DCHS1: variants seen among roughly 807,000 people sequenced by gnomAD.
DCHS1 encodes protocadherin-16.
A neutral mutation model predicts 213.9 loss-of-function variants in DCHS1; 78 were observed. The observed-to-expected ratio is 0.36, with a 90% CI of 0.30 to 0.44. DCHS1 has a LOEUF of 0.44. DCHS1 is among the 20% of genes least tolerant of loss of function. DCHS1 has a pLI of 1.00. For missense variants in DCHS1, 3,946 were observed against 4,395.9 expected (o/e 0.90, Z 2.89); for synonymous variants, 1,828 against 1,873.7 (o/e 0.98, Z 0.63).
chr11:6,645,594 C>A (rs571234294), intron 1 of DCHS1, among the ~76,000 whole-genome samples: 2 of 152,304 alleles, frequency 1.3e-5, no homozygotes, highest in African/African-American at 4.8e-5. Context: ...AACACGTTTT[C>A]TGAATGAAGC....
Position 6,632,514 on chromosome 11 carries a change from A to G in DCHS1, c.2998T>C (p.Phe1000Leu). 1 of 1,548,122 alleles carries G rather than the reference A, an allele frequency of 6.5e-7. No individual in the cohort carries two copies. ...DVGTRGLAPRFNSPTYRVDLP... is the reference protein window; with the variant it reads ...DVGTRGLAPRLNSPTYRVDLP... The stretch of plus-strand genomic sequence containing the variant: ...TCCACACGGTAGGTAGGGCTGTTGA[A>G]TCGGGGAGCCAGCCCACGGGTTCCC... The change falls in exon 6 of 21, where the codon TTC becomes CTC. Residue 1000 changes from phenylalanine (F) to leucine (L), a missense_variant. Physicochemically the swap from Phe to Leu is conservative, Grantham distance 22. Around this residue, in one of 3 missense-constraint regions of DCHS1, gnomAD observed 3,384 missense variants for 3,780.1 expected, o/e 0.90. Transcript: ENST00000299441. This position sits in a 1 kb window ranked among gnomAD's most constrained non-coding sequence, Gnocchi z 5.9.
At chr11:6,642,474 C>G (rs1399630112) in intron 1 of DCHS1, among the ~76,000 whole-genome samples, 7 of 152,136 alleles carry the variant, frequency 4.6e-5, no homozygotes, top group African/African-American at 1.7e-4. Flanking sequence ...TAGGAAGTGA[C>G]ATTAAAGTTG....
Position 6,621,642 on chromosome 11 carries a change from C to A in DCHS1, c.*137G>T. The A allele has an allele frequency of 9.9e-7, 1 of 1,005,598 alleles. No homozygotes were observed. The highest frequency in any genetic ancestry group is 1.5e-6 in the Non-Finnish European group (1 of 663,082). 62.3% of individuals were successfully genotyped at this position (1,005,598 alleles called of 1,614,324 possible). A position where few individuals can be genotyped will look rare whatever the true frequency, so the allele number is the denominator to read the frequency against. On this transcript the variant is annotated 3_prime_UTR_variant, in exon 21 of 21. Coordinates refer to ENST00000299441, the MANE Select transcript of DCHS1 (RefSeq NM_003737.4). ...AGTACTCTGAGGGGGCTGGGGAGTT[C>A]AGGGTGGAGAGCTGGGGCCTGGTGG...
Position 6,640,452 on chromosome 11 carries a change from T to C in DCHS1, c.1162A>G (p.Ile388Val), listed in dbSNP as rs1267654443. 6.2e-7 allele frequency: 1 copy of C among 1,613,826 alleles called. No individual in the cohort carries two copies. Among genetic ancestry groups the C allele is most frequent in the Non-Finnish European group, 8.5e-7 (1 of 1,179,890 alleles). The stretch of plus-strand genomic sequence containing the variant: ...CCATCATCTGGGTCTGACACAGAGA[T>C]GCGAGCAACGAGCTGTCCAGGTGGG... ...AAPPGQLVAR[I>V]SVSDPDDGDF... Residue 388 changes from isoleucine (I) to valine (V), a missense_variant, in exon 2 of 21, where the codon ATC (isoleucine) becomes GTC (valine). Physicochemically the swap from Ile to Val is conservative, Grantham distance 29. This residue lies in a region of DCHS1 where 3,384 missense variants were observed against 3,780.1 expected (regional missense o/e 0.90). Coordinates refer to ENST00000299441, the MANE Select transcript of DCHS1 (RefSeq NM_003737.4). The surrounding 1 kb of genome is among the most constrained non-coding windows in gnomAD (Gnocchi z 6.5).
intron 19 of DCHS1, 55 bp from the exon 20 acceptor site, chr11:6,624,923 A>G: frequency 6.2e-7 from 1 of 1,604,742 alleles, no homozygotes; most frequent in Non-Finnish European, 8.5e-7. Flanking sequence ...CCTGCTGTCC[A>G]TGCAGCCTGT....
At chr11:6,633,361 A>G in intron 5 of DCHS1, 51 bp downstream of exon 5, 2 of 1,506,982 alleles carry the variant, frequency 1.3e-6, no homozygotes, top group Non-Finnish European at 9.0e-7. Flanking sequence ...CTGGAGGGTT[A>G]TACTGGGGTA....
In DCHS1 at chr11:6,623,485, T is replaced by C; in HGVS notation, c.8191A>G (p.Ile2731Val). ...PGTLVTTLHA[I>V]DGDAGAFGRL... Reference sequence around the variant, plus strand: ...CCAAAAGCCCCAGCATCCCCGTCGATTGCATGCAGAGTGGTCACGAGAGTG... The same window carrying C: ...CCAAAAGCCCCAGCATCCCCGTCGACTGCATGCAGAGTGGTCACGAGAGTG... Residue 2731 changes from isoleucine (I) to valine (V), a missense_variant, in exon 21 of 21, where the codon ATC (isoleucine) becomes GTC (valine). Around this residue, in one of 3 missense-constraint regions of DCHS1, gnomAD observed 3,384 missense variants for 3,780.1 expected, o/e 0.90. Coordinates refer to ENST00000299441, the MANE Select transcript of DCHS1 (RefSeq NM_003737.4). 3 of 1,590,988 alleles carry C rather than the reference T, an allele frequency of 1.9e-6. No homozygotes were observed. The highest frequency in any genetic ancestry group is 2.6e-6 in the Non-Finnish European group (3 of 1,168,794).
chr11:6,625,242 C>T lies in DCHS1; in HGVS notation c.7102G>A (p.Asp2368Asn). 6.2e-7 allele frequency: 1 copy of T among 1,609,614 alleles called. No homozygotes were observed. Among genetic ancestry groups the T allele is most frequent in the East Asian group, 2.2e-5 (1 of 44,860 alleles). The change falls in exon 19 of 21, where the codon GAT (aspartate) becomes AAT (asparagine). Residue 2368 changes from aspartate (D) to asparagine (N), a missense_variant. Coordinates refer to ENST00000299441, the MANE Select transcript of DCHS1 (RefSeq NM_003737.4). This position sits in a 1 kb window ranked among gnomAD's most constrained non-coding sequence, Gnocchi z 5.3. ...AAGGCAGGTGCATTGTCATTGACAT[C>T]CTCCACAAGCACTGTGAGGTTGGCA... is the stretch of plus-strand genomic sequence containing the variant. ...GRANLTVLVE[D>N]VNDNAPAFSQ...
At position 6,621,996 on chromosome 11, in the gene DCHS1, C is replaced by T. The variant is rs374331068; in HGVS notation, c.9680G>A (p.Arg3227Gln). Residue 3227 changes from arginine (R) to glutamine (Q), a missense_variant, in exon 21 of 21, where the codon CGG (arginine) becomes CAG (glutamine). Physicochemically the swap from Arg to Gln is conservative, Grantham distance 43 (BLOSUM62 1). Transcript: ENST00000299441. ...PPKPANTAAARAIFPPASHRS... is the reference protein window; with the variant it reads ...PPKPANTAAAQAIFPPASHRS... Reference sequence around the variant, plus strand: ...GTGAGAAGCTGGTGGGAAGATGGCCCGGGCTGCAGCTGTGTTTGCTGGCTT... The same window carrying T: ...GTGAGAAGCTGGTGGGAAGATGGCCTGGGCTGCAGCTGTGTTTGCTGGCTT... The T allele has an allele frequency of 1.7e-5, 28 of 1,612,716 alleles. No individual in the cohort carries two copies. The highest frequency in any genetic ancestry group is 1.6e-4 in the Middle Eastern group (1 of 6,082).
chr11:6,640,723 C>T lies in DCHS1; in HGVS notation c.891G>A (p.Arg297=), dbSNP rs981780370. 1.9e-6 allele frequency: 3 copies of T among 1,613,962 alleles called. No homozygotes were observed. Among genetic ancestry groups the T allele is most frequent in the Non-Finnish European group, 2.5e-6 (3 of 1,179,888 alleles). Residue 297 remains arginine, a synonymous_variant, in exon 2 of 21, where the codon AGG becomes AGA. Coordinates refer to ENST00000299441, the MANE Select transcript of DCHS1 (RefSeq NM_003737.4). This position sits in a 1 kb window ranked among gnomAD's most constrained non-coding sequence, Gnocchi z 6.5. The stretch of plus-strand genomic sequence containing the variant: ...AGAAGGGTCCATCACCCTCGCTCTG[C>T]CTCCGGTTGATCTCGTAAGTCACAG... The part of the protein sequence containing the change: ...NGAVTYEINR[R]QSEGDGPFSI...
In DCHS1 at chr11:6,626,617, C is replaced by T. The variant is rs777125295; in HGVS notation, c.6299G>A (p.Gly2100Glu). The T allele has an allele frequency of 1.2e-6, 2 of 1,613,868 alleles. No individual in the cohort carries two copies. Among genetic ancestry groups the T allele is most frequent in the East Asian group, 4.5e-5 (2 of 44,896 alleles). Residue 2100 changes from glycine to glutamate, a missense_variant, in exon 15 of 21, where the codon GGA becomes GAA. By Grantham distance (98) the Gly-to-Glu change is moderately conservative. Around this residue, in one of 3 missense-constraint regions of DCHS1, gnomAD observed 3,384 missense variants for 3,780.1 expected, o/e 0.90. Coordinates refer to ENST00000299441, the MANE Select transcript of DCHS1 (RefSeq NM_003737.4). This position sits in a 1 kb window ranked among gnomAD's most constrained non-coding sequence, Gnocchi z 5.2. ...PRAVHAGGTN[G>E]PITYSILSGN... is the part of the protein sequence containing the mutation. ...ACTGAGAATGCTGTAGGTGATGGGT[C>T]CATTTGTGCCTCCTGCATGGACGGC...
chr11:6,630,625 A>T lies in DCHS1; in HGVS notation c.4169T>A (p.Leu1390Gln). Reference sequence around the variant, plus strand: ...AGCTTCGAAGTCCAGGGGCCGCGCCAGGTACAAGCGCCCTGAGGCCGCATC... The same window carrying T: ...AGCTTCGAAGTCCAGGGGCCGCGCCTGGTACAAGCGCCCTGAGGCCGCATC... The part of the protein sequence containing the change: ...ALDAASGRLY[L>Q]ARPLDFEAGP... Residue 1390 changes from leucine (L) to glutamine (Q), a missense_variant, in exon 10 of 21, where the codon CTG becomes CAG. Transcript: ENST00000299441. The T allele has an allele frequency of 6.5e-7, 1 of 1,540,286 alleles. No homozygotes were observed. The highest frequency in any genetic ancestry group is 1.2e-5 in the South Asian group (1 of 84,106).
chr11:6,644,266 T>C (rs1049578758), intron 1 of DCHS1, among the ~76,000 whole-genome samples: 2 of 152,214 alleles, frequency 1.3e-5, no homozygotes, highest in Non-Finnish European at 2.9e-5. Context: ...GGACACTAAC[T>C]AGGTATAGAA....
In DCHS1 at chr11:6,630,654, C is replaced by G; in HGVS notation, c.4140G>C (p.Ala1380=). 1 of 1,536,178 alleles carries G rather than the reference C, an allele frequency of 6.5e-7. No homozygotes were observed. ...ACAAGCGCCCTGAGGCCGCATCCAG[C>G]GCGAAGGTGCCCTCGGGATCGGCAC... ...VGGADPEGTF[A]LDAASGRLYL... Residue 1380 remains alanine (A), a synonymous_variant, in exon 10 of 21, where the codon GCG becomes GCC. Coordinates refer to ENST00000299441, the MANE Select transcript of DCHS1 (RefSeq NM_003737.4).
In DCHS1 at chr11:6,624,017, G is replaced by A; in HGVS notation, c.7659C>T (p.Cys2553=). ...AGTCTAGAGGTTCAAGCAACACCAG[G>A]CAGCCCAGTGCCCGGGGGCCTGGTC... The part of the protein sequence containing the change: ...SAGPGPRALG[C]LVLLEPLDFE... The change falls in exon 21 of 21, where the codon TGC becomes TGT. Residue 2553 remains cysteine, a synonymous_variant. Coordinates refer to ENST00000299441, the MANE Select transcript of DCHS1 (RefSeq NM_003737.4). 1 of 1,613,484 alleles carries A rather than the reference G, an allele frequency of 6.2e-7. No individual in the cohort carries two copies. Among genetic ancestry groups the A allele is most frequent in the East Asian group, 2.2e-5 (1 of 44,860 alleles).
In DCHS1 at chr11:6,630,234, G is replaced by C; in HGVS notation, c.4560C>G (p.Ala1520=). The C allele has an allele frequency of 6.4e-7, 1 of 1,553,912 alleles. No homozygotes were observed. The highest frequency in any genetic ancestry group is 2.4e-5 in the East Asian group (1 of 41,154). ...GCGCTGCACGACGGCGGCTGGCGTTGGCGGGCCGGTCGGTGGCTTCCACCA... is the reference window on the plus strand; with the variant it reads ...GCGCTGCACGACGGCGGCTGGCGTTCGCGGGCCGGTCGGTGGCTTCCACCA... ...LLLVEATDRP[A]NASRRRAARV... The change falls in exon 10 of 21, where the codon GCC becomes GCG. Residue 1520 remains alanine (A), a synonymous_variant. Coordinates refer to ENST00000299441, the MANE Select transcript of DCHS1 (RefSeq NM_003737.4).
rs1855808013 is a variant in DCHS1 at position 6,626,596 on chromosome 11, A to G, written c.6320T>C (p.Leu2107Pro). 6.2e-7 allele frequency: 1 copy of G among 1,613,882 alleles called. No homozygotes were observed. Among genetic ancestry groups the G allele is most frequent in the Non-Finnish European group, 8.5e-7 (1 of 1,179,906 alleles). ...GTNGPITYSI[L>P]SGNEKGTFSI... ...GAATGTCCCTTTCTCATTCCCACTG[A>G]GAATGCTGTAGGTGATGGGTCCATT... The change falls in exon 15 of 21, where the codon CTC becomes CCC. Residue 2107 changes from leucine (L) to proline (P), a missense_variant. Around this residue, in one of 3 missense-constraint regions of DCHS1, gnomAD observed 3,384 missense variants for 3,780.1 expected, o/e 0.90. Transcript: ENST00000299441. This position sits in a 1 kb window ranked among gnomAD's most constrained non-coding sequence, Gnocchi z 5.2.
rs771891400 is a variant in DCHS1, at chr11:6,641,219, C to A, written c.395G>T (p.Arg132Leu). 2 of 1,613,734 alleles carry A rather than the reference C, an allele frequency of 1.2e-6. No individual in the cohort carries two copies. The highest frequency in any genetic ancestry group is 4.5e-5 in the East Asian group (2 of 44,884). ...AGCATGGTCGTTGATGTCAGCCACTCGCACTGTAACTTCTACGGTGGCACC... is the reference window on the plus strand; with the variant it reads ...AGCATGGTCGTTGATGTCAGCCACTAGCACTGTAACTTCTACGGTGGCACC... ...PDGATVEVTV[R>L]VADINDHAPA... is the part of the protein sequence containing the mutation. The change falls in exon 2 of 21, where the codon CGA becomes CTA. Residue 132 changes from arginine (R) to leucine (L), a missense_variant. Arg to Leu is a moderately radical substitution (Grantham distance 102). Around this residue, in one of 3 missense-constraint regions of DCHS1, gnomAD observed 3,384 missense variants for 3,780.1 expected, o/e 0.90. Coordinates refer to ENST00000299441, the MANE Select transcript of DCHS1 (RefSeq NM_003737.4). The surrounding 1 kb of genome is among the most constrained non-coding windows in gnomAD (Gnocchi z 7.1).
intron 1 of DCHS1, among the ~76,000 whole-genome samples, chr11:6,643,226 G>A (rs948846062): frequency 3.3e-5 from 5 of 152,170 alleles, no homozygotes; most frequent in Admixed American, 1.3e-4. Flanking sequence ...GTGGATAAGT[G>A]AGAGCACAGA....
Sources: gnomAD v4.1 joint callset for allele counts (sites outside exome capture counted in the v4.1 genomes callset) on GRCh38, gnomAD v4.1.1 for gene constraint, gnomAD v4.1.1 regional missense constraint, Gnocchi (gnomAD v3.1) non-coding constraint, MANE v1.5 for transcripts, NCBI Gene and HGNC (gene_info 2026-07-23, HGNC 2026-07-21) for gene names.